Variants in PCDHGB2 observed in about 807,000 individuals in gnomAD.
PCDHGB2 encodes protocadherin gamma subfamily B, 2, also known as protocadherin gamma-B2.
A neutral mutation model predicts 59.3 loss-of-function variants in PCDHGB2; 55 were observed. The observed-to-expected ratio is 0.93, with a 90% CI of 0.75 to 1.16. The LOEUF (loss-of-function observed/expected upper bound fraction) is 1.16. Among genes scored for constraint, PCDHGB2 ranks in the 50% most tolerant of loss-of-function variants. PCDHGB2 has a pLI of 0.00. For synonymous variants in PCDHGB2, 516 were observed against 512.0 expected (o/e 1.01, Z -0.11); for missense variants, 1,228 against 1,198.5 (o/e 1.02, Z -0.36).
intron 1 of PCDHGB2, chr5:141,371,816 C>T: frequency 6.2e-7 from 1 of 1,613,888 alleles, no homozygotes; most frequent in Non-Finnish European, 8.5e-7. Context: ...TTGCGCATGT[C>T]AGAGCCTCGG....
intron 1 of PCDHGB2, chr5:141,390,007 C>G (rs778827419): frequency 1.9e-6 from 3 of 1,614,058 alleles, no homozygotes; most frequent in South Asian, 2.2e-5. Context: ...ATGATTCTGG[C>G]CATTGCCTTG....
chr5:141,423,141 G>A, intron 1 of PCDHGB2: 1 of 1,613,580 alleles, frequency 6.2e-7, no homozygotes, highest in Non-Finnish European at 8.5e-7. Context: ...ACAGAGACGC[G>A]CTCAAGCAGA....
intron 3 of PCDHGB2, among the ~76,000 whole-genome samples, chr5:141,509,277 T>TC (rs566266970): frequency 0.011 from 1,653 of 152,240 alleles, 22 homozygotes; most frequent in Non-Finnish European, 0.018. Context: ...CGCTACCCGC[T>TC]CCCAGGGTCC....
chr5:141,418,236 T>C, intron 1 of PCDHGB2: 8 of 1,614,030 alleles, frequency 5.0e-6, no homozygotes, highest in Non-Finnish European at 6.8e-6. Flanking sequence ...ATTGAGGATG[T>C]TAATGACCAC....
At chr5:141,433,215 T>A (rs755571112) in intron 1 of PCDHGB2, 1 of 1,568,720 alleles carries the variant, frequency 6.4e-7, no homozygotes, top group South Asian at 1.2e-5. Flanking sequence ...TTTCTTTTTT[T>A]TTTTTAATTG....
intron 1 of PCDHGB2, among the ~76,000 whole-genome samples, chr5:141,474,511 C>T (rs2099350824): frequency 6.6e-6 from 1 of 152,202 alleles, no homozygotes; most frequent in Non-Finnish European, 1.5e-5. Context: ...TATCAGCCCT[C>T]TTGCTGGTCT....
At chr5:141,401,838 T>C in intron 1 of PCDHGB2, among the ~76,000 whole-genome samples, 1 of 152,232 alleles carries the variant, frequency 6.6e-6, no homozygotes, top group East Asian at 1.9e-4. Context: ...TTTCTTATAA[T>C]ACCACTTACT....
At position 141,491,744 on chromosome 5, in the gene PCDHGB2, C is replaced by T; in HGVS notation, c.2422-3063C>T. 6.3e-7 allele frequency: 1 copy of T among 1,592,720 alleles called. No individual in the cohort carries two copies. Among genetic ancestry groups the T allele is most frequent in the African/African-American group, 1.3e-5 (1 of 74,122 alleles). Reference sequence around the variant, plus strand: ...CCCCGGGCGACCCCTGGGGGCGGCACTGGAGAAGCCGCCCGTCCTCATAAG... The same window carrying T: ...CCCCGGGCGACCCCTGGGGGCGGCATTGGAGAAGCCGCCCGTCCTCATAAG... On this transcript the variant is annotated intron_variant, in intron 1 of 3. Transcript: ENST00000522605. The surrounding 1 kb of genome is among the most constrained non-coding windows in gnomAD (Gnocchi z 6.9).
intron 1 of PCDHGB2, chr5:141,408,883 C>A: frequency 6.2e-7 from 1 of 1,613,462 alleles, no homozygotes; most frequent in Non-Finnish European, 8.5e-7. Flanking sequence ...CCACCGCTCA[C>A]ATAGAAATTT....
At chr5:141,418,848 G>C (rs770294020) in intron 1 of PCDHGB2, 1 of 1,613,836 alleles carries the variant, frequency 6.2e-7, no homozygotes, top group Non-Finnish European at 8.5e-7. Flanking sequence ...CTCTCAACAC[G>C]GTGTAAAGTA....
At chr5:141,425,248 G>GGCTGGGAAA (rs2096864506) in intron 1 of PCDHGB2, among the ~76,000 whole-genome samples, 1 of 152,178 alleles carries the variant, frequency 6.6e-6, no homozygotes, top group Non-Finnish European at 1.5e-5. Context: ...AAAAGGATAT[G>GGCTGGGAAA]AGGTATTTGG....
rs372460685 is a variant in PCDHGB2 at position 141,365,741 on chromosome 5, A to G, written c.2421+3185A>G. 63 of 1,613,506 alleles carry G rather than the reference A, an allele frequency of 3.9e-5. No individual in the cohort carries two copies. In the Middle Eastern group the frequency reaches 1.6e-3, roughly 42 times the overall value. On this transcript the variant is annotated intron_variant, in intron 1 of 3. Coordinates refer to ENST00000522605, the MANE Select transcript of PCDHGB2 (RefSeq NM_018923.3). ...AGAAAACAATCCCAGAGGTGTCTCT[A>G]TCTTCTCTGTGACAGCCCATGACCC...
intron 1 of PCDHGB2, chr5:141,412,460 G>C (rs2095557510): frequency 1.3e-5 from 2 of 152,244 alleles, no homozygotes; most frequent in South Asian, 4.1e-4. Flanking sequence ...AACTATTCTA[G>C]AAGAGTACTT....
Position 141,393,820 on chromosome 5 carries a change from CG to C in PCDHGB2, c.2421+31266del, listed in dbSNP as rs370400807. Reference sequence around the variant, plus strand: ...CTGGGGAGGACCAAATTGCTCATTTCGGTGGAAGATGTAAATGACAATAGAC... The same window carrying C: ...CTGGGGAGGACCAAATTGCTCATTTCGTGGAAGATGTAAATGACAATAGAC... On this transcript the variant is annotated intron_variant, in intron 1 of 3. Transcript: ENST00000522605. The C allele has an allele frequency of 9.3e-6, 15 of 1,613,800 alleles. No individual in the cohort carries two copies. In the African/African-American group the frequency reaches 9.3e-5, roughly 10 times the overall value.
At chr5:141,372,309 C>A in intron 1 of PCDHGB2, 1 of 1,613,518 alleles carries the variant, frequency 6.2e-7, no homozygotes, top group Non-Finnish European at 8.5e-7. Flanking sequence ...GGAGGCCGCC[C>A]GCCAGCGCCT....
intron 1 of PCDHGB2, chr5:141,385,016 C>T (rs536780147): frequency 1.2e-6 from 2 of 1,614,068 alleles, no homozygotes; most frequent in African/African-American, 1.3e-5. Flanking sequence ...GTCTTCCTAG[C>T]CTTCGTCCTC....
At chr5:141,385,292 AG>A (rs1458906535) in intron 1 of PCDHGB2, 1 of 1,613,082 alleles carries the variant, frequency 6.2e-7, no homozygotes, top group African/African-American at 1.3e-5. Flanking sequence ...GTAGATTTTC[AG>A]GAATGTAAAG....
Position 141,477,691 on chromosome 5 carries a change from A to G in PCDHGB2, c.2422-17116A>G, listed in dbSNP as rs1315811441. 6.2e-7 allele frequency: 1 copy of G among 1,614,188 alleles called. No homozygotes were observed. Among genetic ancestry groups the G allele is most frequent in the South Asian group, 1.1e-5 (1 of 91,090 alleles). On this transcript the variant is annotated intron_variant, in intron 1 of 3. Coordinates refer to ENST00000522605, the MANE Select transcript of PCDHGB2 (RefSeq NM_018923.3). This position sits in a 1 kb window ranked among gnomAD's most constrained non-coding sequence, Gnocchi z 4.9. ...GCATAGTGTCATCCTTAGTGCCCCT[A>G]GACTATGAGGATCGGCGGGAATTTG...
In PCDHGB2 at chr5:141,490,113, C is replaced by G. The variant is rs2099696295; in HGVS notation, c.2422-4694C>G. Reference sequence around the variant, plus strand: ...ACCACACATCTGAGGCAGTGCGGAACCTCTTTGGCCTAGACCCTAGCAGTG... The same window carrying G: ...ACCACACATCTGAGGCAGTGCGGAAGCTCTTTGGCCTAGACCCTAGCAGTG... On this transcript the variant is annotated intron_variant, in intron 1 of 3. Transcript: ENST00000522605. This position sits in a 1 kb window ranked among gnomAD's most constrained non-coding sequence, Gnocchi z 5.4. 1 of 1,614,258 alleles carries G rather than the reference C, an allele frequency of 6.2e-7. No individual in the cohort carries two copies.
Sources: gnomAD v4.1 joint callset for allele counts (sites outside exome capture counted in the v4.1 genomes callset) on GRCh38, gnomAD v4.1.1 for gene constraint, Gnocchi (gnomAD v3.1) non-coding constraint, MANE v1.5 for transcripts, NCBI Gene and HGNC (gene_info 2026-07-23, HGNC 2026-07-21) for gene names.